FNIP1: variants seen among roughly 807,000 people sequenced by gnomAD.
FNIP1 encodes folliculin-interacting protein 1.
In FNIP1, 40 loss-of-function variants were observed where a neutral mutation model predicts 124.5. That is an observed-to-expected ratio of 0.32 (90% confidence interval 0.25 to 0.42). The LOEUF (loss-of-function observed/expected upper bound fraction) is 0.42, where lower values mean the gene tolerates loss of function less well. Ranked by LOEUF, FNIP1 falls within the 10% of genes least tolerant of loss-of-function variation. FNIP1 has a pLI of 1.00. For missense variants in FNIP1, 1,176 were observed against 1,403.7 expected, an observed-to-expected ratio of 0.84 and a Z score of 2.59; for synonymous variants, 472 against 470.6, an observed-to-expected ratio of 1.00 and a Z score of -0.04.
chr5:131,743,628 G>A (rs1554097905), intron 2 of FNIP1, among the ~76,000 whole-genome samples: 3 of 152,114 alleles, frequency 2.0e-5, no homozygotes, highest in Non-Finnish European at 4.4e-5. Context: ...GCGATATTAG[G>A]AGGTGGGGAC....
At chr5:131,713,622 A>G (rs1769374002) in intron 6 of FNIP1, among the ~76,000 whole-genome samples, 1 of 152,274 alleles carries the variant, frequency 6.6e-6, no homozygotes, top group African/African-American at 2.4e-5. Flanking sequence ...TGGATATTCC[A>G]GTACTTCCAA....
intron 11 of FNIP1, among the ~76,000 whole-genome samples, chr5:131,691,343 G>T: frequency 6.6e-6 from 1 of 152,156 alleles, no homozygotes; most frequent in Non-Finnish European, 1.5e-5. Context: ...AGCAAAAGGA[G>T]TGCTTAAAGG....
intron 1 of FNIP1, among the ~76,000 whole-genome samples, chr5:131,780,679 G>A (rs1490517276): frequency 2.6e-5 from 4 of 151,916 alleles, no homozygotes; most frequent in African/African-American, 9.7e-5. Flanking sequence ...ATTGTTTTGG[G>A]GGCACCAGGA....
intron 6 of FNIP1, among the ~76,000 whole-genome samples, chr5:131,713,573 T>C (rs1769372030): frequency 7.9e-6 from 1 of 126,456 alleles, no homozygotes; most frequent in African/African-American, 2.5e-5. Flanking sequence ...CCCTACAATA[T>C]ACCTATCTAA....
intron 1 of FNIP1, among the ~76,000 whole-genome samples, chr5:131,745,838 G>A (rs978437408): frequency 1.3e-5 from 2 of 152,314 alleles, no homozygotes; most frequent in South Asian, 2.1e-4. Context: ...TGCAACGTTT[G>A]TCTAGGGGTT....
chr5:131,690,223 AAAAAT>A (rs1344418970), intron 11 of FNIP1, among the ~76,000 whole-genome samples: 2 of 152,128 alleles, frequency 1.3e-5, no homozygotes, highest in Admixed American at 6.5e-5. Context: ...ACTCCATCTC[AAAAAT>A]AAAATAAAAT....
intron 1 of FNIP1, among the ~76,000 whole-genome samples, chr5:131,792,164 T>A (rs1419465730): frequency 4.6e-5 from 7 of 151,692 alleles, no homozygotes; most frequent in Non-Finnish European, 7.4e-5. Context: ...CTGGCACTTT[T>A]TTTTTTTTTT....
chr5:131,676,382 C>G (rs546608499), intron 13 of FNIP1, among the ~76,000 whole-genome samples: 1 of 152,150 alleles, frequency 6.6e-6, no homozygotes, highest in African/African-American at 2.4e-5. Context: ...CTCCTGACCT[C>G]AAGTAATCCA....
At chr5:131,667,221 A>C (rs1274487076) in intron 15 of FNIP1, among the ~76,000 whole-genome samples, 1 of 152,224 alleles carries the variant, frequency 6.6e-6, no homozygotes, top group Non-Finnish European at 1.5e-5. Flanking sequence ...TGCTAAGTTA[A>C]AAACTTGAAG....
At chr5:131,794,032 T>C (rs1447432093) in intron 1 of FNIP1, among the ~76,000 whole-genome samples, 2 of 151,728 alleles carry the variant, frequency 1.3e-5, no homozygotes, top group African/African-American at 2.4e-5. Context: ...AAAAAACGAT[T>C]AAGACAGTAA....
rs562661226 is a variant in FNIP1, at chr5:131,786,554, G to A, written c.92+10276C>T. ...AAATGAAGGCTGGAAAAGAGAAATT[G>A]GGGGATTAGAGTGCTATAGTTTGAA... On this transcript the variant is annotated intron_variant, in intron 1 of 17. Coordinates refer to ENST00000510461, the MANE Select transcript of FNIP1 (RefSeq NM_133372.3). Among the ~76,000 whole-genome samples, 7 of 152,286 alleles carry A rather than the reference G, an allele frequency of 4.6e-5. No individual in the cohort carries two copies. In the South Asian group the frequency reaches 8.3e-4, roughly 18 times the overall value.
intron 1 of FNIP1, among the ~76,000 whole-genome samples, chr5:131,786,337 T>C (rs1475761290): frequency 1.3e-5 from 2 of 152,154 alleles, no homozygotes; most frequent in Non-Finnish European, 2.9e-5. Flanking sequence ...AATATAGATA[T>C]ATAAAAATGC....
intron 1 of FNIP1, among the ~76,000 whole-genome samples, chr5:131,755,146 C>A (rs1158307966): frequency 2.0e-5 from 3 of 152,168 alleles, no homozygotes; most frequent in South Asian, 2.1e-4. Flanking sequence ...GGTGGCCGGG[C>A]ACAGTGGCTC....
chr5:131,710,680 A>C lies in FNIP1; in HGVS notation c.623-19T>G. The C allele has an allele frequency of 6.2e-7, 1 of 1,610,330 alleles. No individual in the cohort carries two copies. Among genetic ancestry groups the C allele is most frequent in the Non-Finnish European group, 8.5e-7 (1 of 1,178,178 alleles). ...GAAAGACCTACATGGCAAAAACGTAAAATACACATGAAAGAGGACTGTTAG... is the reference window on the plus strand; with the variant it reads ...GAAAGACCTACATGGCAAAAACGTACAATACACATGAAAGAGGACTGTTAG... On this transcript the variant is annotated intron_variant, in intron 6 of 17. Coordinates refer to ENST00000510461, the MANE Select transcript of FNIP1 (RefSeq NM_133372.3).
At chr5:131,795,137 T>G (rs976009316) in intron 1 of FNIP1, among the ~76,000 whole-genome samples, 6 of 152,228 alleles carry the variant, frequency 3.9e-5, no homozygotes, top group Non-Finnish European at 8.8e-5. Context: ...ATTTCTCACA[T>G]GCACAAGTTT....
rs1771044316 is a variant in FNIP1, at chr5:131,756,129, CTT to C, written c.93-11441_93-11440del. On this transcript the variant is annotated intron_variant, in intron 1 of 17. Coordinates refer to ENST00000510461, the MANE Select transcript of FNIP1 (RefSeq NM_133372.3). ...TTCATGGAATTTAGCAATTTGGTGT[CTT>C]TGGTACTCTTGCTGGAACAGTTTCA... is the stretch of plus-strand genomic sequence containing the variant. Among the ~76,000 whole-genome samples, 4 of 152,006 alleles carry C rather than the reference CTT, an allele frequency of 2.6e-5. No individual in the cohort carries two copies. In the South Asian group the frequency reaches 8.3e-4, roughly 31 times the overall value.
intron 2 of FNIP1, among the ~76,000 whole-genome samples, chr5:131,735,365 G>A (rs574379333): frequency 1.3e-5 from 2 of 151,890 alleles, no homozygotes; most frequent in South Asian, 2.1e-4. Context: ...TGTAAATGAC[G>A]AGTTAATGGG....
chr5:131,781,692 A>G (rs925237592), intron 1 of FNIP1, among the ~76,000 whole-genome samples: 43 of 152,216 alleles, frequency 2.8e-4, no homozygotes, highest in African/African-American at 1.0e-3. Context: ...ATTACTACTC[A>G]TTAACAATGC....
intron 11 of FNIP1, among the ~76,000 whole-genome samples, chr5:131,694,500 C>T (rs1768621991): frequency 6.6e-6 from 1 of 152,184 alleles, no homozygotes; most frequent in East Asian, 1.9e-4. Context: ...GAAAAGTCCA[C>T]ATAGCATATG....
Sources: allele counts gnomAD v4.1 joint callset (sites outside exome capture counted in the v4.1 genomes callset), GRCh38; gene constraint gnomAD v4.1.1; transcripts MANE v1.5; gene names NCBI Gene and HGNC (gene_info 2026-07-23, HGNC 2026-07-21).